Variants in PRRC2C observed in about 807,000 individuals in gnomAD.
PRRC2C encodes proline rich coiled-coil 2C.
Under a neutral mutation model 317.2 loss-of-function variants are expected in PRRC2C, and 72 were observed. The observed-to-expected ratio is 0.23, with a 90% CI of 0.19 to 0.28. The LOEUF (loss-of-function observed/expected upper bound fraction) is 0.28. PRRC2C is among the 10% of genes least tolerant of loss of function. The pLI is 1.00. For missense variants in PRRC2C, 3,074 were observed against 3,459.7 expected (o/e 0.89, Z 2.80); for synonymous variants, 1,296 against 1,205.9 (o/e 1.07, Z -1.55).
intron 20 of PRRC2C, among the ~76,000 whole-genome samples, chr1:171,562,039 A>C (rs1486448673): frequency 6.6e-6 from 1 of 152,224 alleles, no homozygotes; most frequent in Non-Finnish European, 1.5e-5. Context: ...GTGGAGAAAA[A>C]CGAAGCAGGA....
intron 1 of PRRC2C, among the ~76,000 whole-genome samples, chr1:171,492,582 T>C (rs1667351433): frequency 6.6e-6 from 1 of 151,884 alleles, no homozygotes; most frequent in South Asian, 2.1e-4. Flanking sequence ...GACTAACAGG[T>C]TGCCTGAGGA....
At chr1:171,572,945 T>G (rs1685030934) in intron 24 of PRRC2C, among the ~76,000 whole-genome samples, 1 of 152,226 alleles carries the variant, frequency 6.6e-6, no homozygotes, top group Non-Finnish European at 1.5e-5. Context: ...ATCTCCTTTT[T>G]GTTGGAGTAA....
Position 171,566,744 on chromosome 1 carries a change from T to G in PRRC2C, c.6459T>G (p.Asp2153Glu). 6.2e-7 allele frequency: 1 copy of G among 1,613,664 alleles called. No homozygotes were observed. Among genetic ancestry groups the G allele is most frequent in the Non-Finnish European group, 8.5e-7 (1 of 1,179,796 alleles). The change falls in exon 22 of 35, where the codon GAT (aspartate) becomes GAG (glutamate). Residue 2153 changes from aspartate (D) to glutamate (E), a missense_variant. Physicochemically the swap from Asp to Glu is conservative, Grantham distance 45. Transcript: ENST00000647382. ...KPSPATVRST[D>E]PVTTKETKAV... ...GCCCAGCTACAGTCAGAAGCACAGA[T>G]CCTGTCACGACAAAGGAGACTAAAG...
intron 18 of PRRC2C, 107 bp downstream of exon 18, chr1:171,550,347 A>T: frequency 9.9e-7 from 1 of 1,006,646 alleles, no homozygotes; most frequent in Non-Finnish European, 1.4e-6. Flanking sequence ...TTCATTATTC[A>T]AGTGTTAAAA....
chr1:171,576,774 C>T (rs761158662), intron 25 of PRRC2C, among the ~76,000 whole-genome samples: 1 of 152,014 alleles, frequency 6.6e-6, no homozygotes, highest in Non-Finnish European at 1.5e-5. Context: ...TTCACTGCAG[C>T]CTCAAACTCC....
chr1:171,496,772 G>GGT (rs1381467402), intron 1 of PRRC2C, among the ~76,000 whole-genome samples: 2 of 90,640 alleles, frequency 2.2e-5, no homozygotes, highest in Non-Finnish European at 4.4e-5. Context: ...ATACATTTGG[G>GGT]GCGTGTGTGT....
chr1:171,579,929 T>G lies in PRRC2C; in HGVS notation c.7374T>G (p.Ala2458=), dbSNP rs771680398. ...SLGAGPAVSQ[A]QELFSSSLQP... is the part of the protein sequence containing the mutation. ...GGGCTGGCCCTGCTGTTTCCCAGGCTCAGGAATTGTTCAGCTCCTCACTTC... is the reference window on the plus strand; with the variant it reads ...GGGCTGGCCCTGCTGTTTCCCAGGCGCAGGAATTGTTCAGCTCCTCACTTC... The change falls in exon 28 of 35, where the codon GCT becomes GCG. Residue 2458 remains alanine (A), a synonymous_variant. Coordinates refer to ENST00000647382, the MANE Select transcript of PRRC2C (RefSeq NM_001387844.1). 2.5e-6 allele frequency: 4 copies of G among 1,590,448 alleles called. No individual in the cohort carries two copies. Among genetic ancestry groups the G allele is most frequent in the Non-Finnish European group, 3.4e-6 (4 of 1,171,194 alleles).
Position 171,574,971 on chromosome 1 carries a change from G to A in PRRC2C, c.6798G>A (p.Arg2266=). The part of the protein sequence containing the change: ...RKAWENSPNV[R]EKGSPVTSTA... ...CATGGGAGAATTCTCCAAATGTAAG[G>A]GAAAAGGGGTCTCCAGTAACTTCCA... The change falls in exon 25 of 35, where the codon AGG becomes AGA. Residue 2266 remains arginine (R), a synonymous_variant. Transcript: ENST00000647382. The A allele has an allele frequency of 6.2e-7, 1 of 1,613,858 alleles. No homozygotes were observed. Among genetic ancestry groups the A allele is most frequent in the Non-Finnish European group, 8.5e-7 (1 of 1,179,860 alleles).
chr1:171,508,785 C>G (rs531252338), intron 1 of PRRC2C, among the ~76,000 whole-genome samples: 1 of 152,314 alleles, frequency 6.6e-6, no homozygotes, highest in Admixed American at 6.5e-5. Flanking sequence ...AAGCTTTACT[C>G]TTTGGGCTGC....
intron 22 of PRRC2C, 93 bp downstream of exon 22, chr1:171,566,936 G>A (rs1246168836): frequency 1.5e-6 from 2 of 1,343,266 alleles, no homozygotes; most frequent in African/African-American, 1.5e-5. Flanking sequence ...TTTTTTTCCT[G>A]CTGAGGCATA....
At position 171,541,779 on chromosome 1, in the gene PRRC2C, G is replaced by A. The variant is rs1334414257; in HGVS notation, c.4313G>A (p.Arg1438Gln). 1.2e-6 allele frequency: 2 copies of A among 1,613,836 alleles called. No individual in the cohort carries two copies. The highest frequency in any genetic ancestry group is 1.3e-5 in the African/African-American group (1 of 74,920). ...TRPPRQDKPPRFRRLREREAA... is the reference protein window; with the variant it reads ...TRPPRQDKPPQFRRLREREAA... ...CCACCAAGGCAAGACAAGCCACCTC[G>A]ATTTAGACGGCTAAGAGAGAGGGAG... Residue 1438 changes from arginine to glutamine, a missense_variant, in exon 16 of 35, where the codon CGA (arginine) becomes CAA (glutamine). Arg to Gln is a conservative substitution (Grantham distance 43, BLOSUM62 1). This residue lies in a region of PRRC2C where 1,320 missense variants were observed against 1,395.7 expected (regional missense o/e 0.95). Coordinates refer to ENST00000647382, the MANE Select transcript of PRRC2C (RefSeq NM_001387844.1). The surrounding 1 kb of genome is among the most constrained non-coding windows in gnomAD (Gnocchi z 4.1).
chr1:171,511,969 C>A, intron 1 of PRRC2C, 63 bp from the exon 2 acceptor site: 1 of 538,552 alleles, frequency 1.9e-6, no homozygotes. Context: ...TTCAGAATTT[C>A]TGTGAACATT....
intron 16 of PRRC2C, among the ~76,000 whole-genome samples, chr1:171,544,827 C>CT (rs887437288): frequency 2.4e-4 from 37 of 152,190 alleles, no homozygotes; most frequent in African/African-American, 8.7e-4. Context: ...AAGCTTTTAT[C>CT]TTGAGTAATA....
At position 171,566,585 on chromosome 1, in the gene PRRC2C, A is replaced by G. The variant is rs768256615; in HGVS notation, c.6307-7A>G. The G allele has an allele frequency of 2.1e-5, 33 of 1,561,522 alleles. No homozygotes were observed. The highest frequency in any genetic ancestry group is 2.9e-5 in the Non-Finnish European group (33 of 1,155,912). ...AACATAGTTTTATCATAAACATTTG[A>G]CTTTAGCTTCCAGATTTGAGTCCAG... On this transcript the variant is annotated splice_region_variant and splice_polypyrimidine_tract_variant and intron_variant, in intron 21 of 34. Coordinates refer to ENST00000647382, the MANE Select transcript of PRRC2C (RefSeq NM_001387844.1).
chr1:171,487,155 A>G (rs1373751258), intron 1 of PRRC2C, among the ~76,000 whole-genome samples: 1 of 152,180 alleles, frequency 6.6e-6, no homozygotes, highest in Non-Finnish European at 1.5e-5. Context: ...GAGCACAGTA[A>G]TAAGTCCTTT....
intron 11 of PRRC2C, among the ~76,000 whole-genome samples, chr1:171,531,784 A>G (rs971203981): frequency 2.6e-5 from 4 of 152,180 alleles, no homozygotes; most frequent in Non-Finnish European, 5.9e-5. Context: ...CAGTCTAAAG[A>G]TAGAACTTTT....
intron 24 of PRRC2C, among the ~76,000 whole-genome samples, chr1:171,572,366 T>C (rs1684919881): frequency 6.6e-6 from 1 of 152,190 alleles, no homozygotes; most frequent in South Asian, 2.1e-4. Context: ...TAATCTCTAA[T>C]ATAGTAGGGC....
intron 1 of PRRC2C, among the ~76,000 whole-genome samples, chr1:171,492,310 T>A (rs915503656): frequency 2.0e-5 from 3 of 152,224 alleles, no homozygotes; most frequent in Non-Finnish European, 4.4e-5. Flanking sequence ...GCTGAATGAT[T>A]TGTTTTCTGA....
chr1:171,548,933 T>A (rs1265894754), intron 17 of PRRC2C, among the ~76,000 whole-genome samples: 1 of 151,902 alleles, frequency 6.6e-6, no homozygotes, highest in Non-Finnish European at 1.5e-5. Flanking sequence ...CTCATTGCAG[T>A]CTCAACCTCC....
Sources: gnomAD v4.1 joint callset for allele counts (sites outside exome capture counted in the v4.1 genomes callset) on GRCh38, gnomAD v4.1.1 for gene constraint, gnomAD v4.1.1 regional missense constraint, Gnocchi (gnomAD v3.1) non-coding constraint, MANE v1.5 for transcripts, NCBI Gene and HGNC (gene_info 2026-07-23, HGNC 2026-07-21) for gene names.